Variants in SRC observed in about 807,000 individuals in gnomAD.
SRC encodes proto-oncogene tyrosine-protein kinase Src.
In SRC, 13 loss-of-function variants were observed where a neutral mutation model predicts 62.9. The observed-to-expected ratio is 0.21, with a 90% CI of 0.13 to 0.33. The LOEUF (loss-of-function observed/expected upper bound fraction) is 0.33, where lower values mean the gene tolerates loss of function less well. Ranked by LOEUF, SRC falls within the 10% of genes least tolerant of loss-of-function variation. The pLI, the probability that SRC is intolerant of heterozygous loss-of-function variation, is 1.00. For missense variants in SRC, 457 were observed against 737.3 expected, an observed-to-expected ratio of 0.62 and a Z score of 4.40; for synonymous variants, 302 against 317.5, an observed-to-expected ratio of 0.95 and a Z score of 0.52.
At chr20:37,380,059 G>A (rs2070343450) in intron 2 of SRC, among the ~76,000 whole-genome samples, 1 of 151,970 alleles carries the variant, frequency 6.6e-6, no homozygotes, top group Non-Finnish European at 1.5e-5. Context: ...AGAGGGAGGC[G>A]GCAGTGTAGA....
At chr20:37,345,858 G>A (rs372218071), upstream of SRC, among the ~76,000 whole-genome samples, 2 of 152,280 alleles carry the variant, frequency 1.3e-5, no homozygotes, top group East Asian at 3.9e-4. Context: ...GATGGGGCCC[G>A]CGGGGTGCGG....
At chr20:37,368,986 T>C (rs2070120645) in intron 2 of SRC, among the ~76,000 whole-genome samples, 1 of 152,234 alleles carries the variant, frequency 6.6e-6, no homozygotes, top group African/African-American at 2.4e-5. Flanking sequence ...TTGGCACCCT[T>C]GCATAAAATC....
chr20:37,399,426 G>T (rs991631394), intron 9 of SRC, among the ~76,000 whole-genome samples: 3 of 152,196 alleles, frequency 2.0e-5, no homozygotes, highest in African/African-American at 4.8e-5. Context: ...CATTGCATTT[G>T]CTAACACATG....
chr20:37,358,408 C>T (rs1014909464), intron 1 of SRC, among the ~76,000 whole-genome samples: 1 of 152,156 alleles, frequency 6.6e-6, no homozygotes, highest in African/African-American at 2.4e-5. Flanking sequence ...ATACCCAACA[C>T]CACTTTCCAC....
Position 37,397,971 on chromosome 20 carries a change from G to C in SRC, c.859+117G>C. The C allele has an allele frequency of 7.6e-7, 1 of 1,321,628 alleles. No individual in the cohort carries two copies. Among genetic ancestry groups the C allele is most frequent in the Non-Finnish European group, 1.0e-6 (1 of 986,684 alleles). The allele number at this position is 1,321,628 out of a possible 1,614,324, so 81.9% of individuals were successfully genotyped here. On this transcript the variant is annotated intron_variant, in intron 9 of 13. Coordinates refer to ENST00000373578, the MANE Select transcript of SRC (RefSeq NM_198291.3). This position sits in a 1 kb window ranked among gnomAD's most constrained non-coding sequence, Gnocchi z 4.1. ...CTCTGCTGGATGACGGGGCCCTGTT[G>C]TAAATCTGGAGCTCCCCAGCGGTGG...
rs6012117 is a variant in SRC, at chr20:37,396,157, C to G, written c.554-5C>G. On this transcript the variant is annotated splice_region_variant and splice_polypyrimidine_tract_variant and intron_variant, in intron 7 of 13. Transcript: ENST00000373578. This position sits in a 1 kb window ranked among gnomAD's most constrained non-coding sequence, Gnocchi z 6.1. ...GCGGTCACGGCTCCCCTCGGTGCCC[C>G]GCAGGTGCCTACTGCCTCTCAGTGT... 2 of 1,611,470 alleles carry G rather than the reference C, an allele frequency of 1.2e-6. No homozygotes were observed. The highest frequency in any genetic ancestry group is 1.7e-6 in the Non-Finnish European group (2 of 1,179,822).
At position 37,403,741 on chromosome 20, in the gene SRC, C is replaced by T. The variant is rs540467324; in HGVS notation, c.*362C>T. On this transcript the variant is annotated 3_prime_UTR_variant, in exon 14 of 14. Transcript: ENST00000373578. The surrounding 1 kb of genome is among the most constrained non-coding windows in gnomAD (Gnocchi z 7.1). Reference sequence around the variant, plus strand: ...CTCAGCCTACTCCGCTCACTGAACTCCTTCCCCACTTCTGTGCCACCCCCG... The same window carrying T: ...CTCAGCCTACTCCGCTCACTGAACTTCTTCCCCACTTCTGTGCCACCCCCG... 4 of 325,600 alleles carry T rather than the reference C, an allele frequency of 1.2e-5. No individual in the cohort carries two copies. In the East Asian group the frequency reaches 1.8e-4, roughly 15 times the overall value. The allele number at this position is 325,600 out of a possible 1,614,324, so 20.2% of individuals were successfully genotyped here. A position where few individuals can be genotyped will look rare whatever the true frequency, so the allele number is the denominator to read the frequency against.
intron 1 of SRC, among the ~76,000 whole-genome samples, chr20:37,352,467 G>A (rs1294845274): frequency 6.6e-6 from 1 of 152,180 alleles, no homozygotes; most frequent in Non-Finnish European, 1.5e-5. Context: ...TTGATTGGAA[G>A]CCACCAGCTC....
At chr20:37,346,653 G>A (rs575845103) in intron 1 of SRC, among the ~76,000 whole-genome samples, 1 of 146,252 alleles carries the variant, frequency 6.8e-6, no homozygotes, top group East Asian at 2.2e-4. Context: ...CCGGCCCTGC[G>A]CCCCCCGGCC....
At chr20:37,383,892 C>T (rs1372465593) in intron 3 of SRC, among the ~76,000 whole-genome samples, 1 of 146,056 alleles carries the variant, frequency 6.8e-6, no homozygotes, top group Non-Finnish European at 1.5e-5. Context: ...CCACCATGCC[C>T]GGCTAATTTT....
At chr20:37,376,153 T>A (rs953875146) in intron 2 of SRC, among the ~76,000 whole-genome samples, 2 of 152,228 alleles carry the variant, frequency 1.3e-5, no homozygotes, top group African/African-American at 4.8e-5. Context: ...AAGGGGCTTT[T>A]GTAGGCCTTG....
At chr20:37,380,750 C>T (rs1427934895) in intron 2 of SRC, among the ~76,000 whole-genome samples, 1 of 152,158 alleles carries the variant, frequency 6.6e-6, no homozygotes, top group African/African-American at 2.4e-5. Flanking sequence ...TGGGTGGACC[C>T]CAGTTTGTTG....
chr20:37,368,536 T>A (rs2070107708), intron 2 of SRC, among the ~76,000 whole-genome samples: 8 of 124,420 alleles, frequency 6.4e-5, no homozygotes, highest in Middle Eastern at 4.0e-3. Context: ...TTTTTTTTTT[T>A]TTTTTTTGTT....
chr20:37,372,925 T>C (rs1472217713), intron 2 of SRC, among the ~76,000 whole-genome samples: 3 of 152,154 alleles, frequency 2.0e-5, no homozygotes, highest in Non-Finnish European at 2.9e-5. Context: ...TGATTTATCA[T>C]TTAAAAAATG....
Position 37,402,142 on chromosome 20 carries a change from T to G in SRC, c.1117-293T>G, listed in dbSNP as rs2070746515. 1 of 394,952 alleles carries G rather than the reference T, an allele frequency of 2.5e-6. No individual in the cohort carries two copies. Among genetic ancestry groups the G allele is most frequent in the South Asian group, 4.2e-5 (1 of 23,562 alleles). 24.5% of individuals were successfully genotyped at this position (394,952 alleles called of 1,614,324 possible). A position where few individuals can be genotyped will look rare whatever the true frequency, so the allele number is the denominator to read the frequency against. Reference sequence around the variant, plus strand: ...GACCTGGCACTCATCTGTGTCTGGGTCCGCTGGGGCCTCTTTCCCTGGTCA... The same window carrying G: ...GACCTGGCACTCATCTGTGTCTGGGGCCGCTGGGGCCTCTTTCCCTGGTCA... On this transcript the variant is annotated intron_variant, in intron 11 of 13. Coordinates refer to ENST00000373578, the MANE Select transcript of SRC (RefSeq NM_198291.3). The surrounding 1 kb of genome is among the most constrained non-coding windows in gnomAD (Gnocchi z 6.2).
intron 5 of SRC, chr20:37,393,671 T>C: frequency 1.8e-6 from 1 of 552,670 alleles, no homozygotes; most frequent in African/African-American, 1.9e-5. Flanking sequence ...CAAGACAAAG[T>C]CCATCTGATC....
At chr20:37,399,793 G>A (rs188011692) in intron 9 of SRC, among the ~76,000 whole-genome samples, 19 of 152,242 alleles carry the variant, frequency 1.2e-4, no homozygotes, top group Admixed American at 7.8e-4. Context: ...TGATCCACCC[G>A]CCTCGGCCCC....
chr20:37,389,060 C>T (rs969478856), intron 5 of SRC, among the ~76,000 whole-genome samples: 2 of 152,134 alleles, frequency 1.3e-5, no homozygotes, highest in South Asian at 4.1e-4. Context: ...AGGAACCCGT[C>T]TGTGGATGGG....
intron 2 of SRC, among the ~76,000 whole-genome samples, chr20:37,368,546 T>TTTTTTTTTTTTTTTTTTTTTTTTTTTG (rs2070108892): frequency 1.2e-5 from 1 of 84,242 alleles, no homozygotes; most frequent in Non-Finnish European, 2.2e-5. Context: ...TTTTTTTTGT[T>TTTTTTTTTTTTTTTTTTTTTTTTTTTG]TTTTTTTTTT....
Sources: allele counts gnomAD v4.1 joint callset (sites outside exome capture counted in the v4.1 genomes callset), GRCh38; gene constraint gnomAD v4.1.1; non-coding constraint Gnocchi (gnomAD v3.1); transcripts MANE v1.5; gene names NCBI Gene and HGNC (gene_info 2026-07-23, HGNC 2026-07-21).